Variants in DNAH9 observed in about 807,000 individuals in gnomAD.
DNAH9 encodes DNAH9 variant protein.
DNAH9 carries 345 observed loss-of-function variants against 471.6 expected under a neutral mutation model. The ratio of observed to expected loss-of-function variants is 0.73; its 90% CI spans 0.67 to 0.80. The LOEUF is 0.80. Among genes scored for constraint, DNAH9 ranks in the 30% least tolerant of loss-of-function variants. The pLI, the probability that DNAH9 is intolerant of heterozygous loss-of-function variation, is 0.00. For synonymous variants in DNAH9, 2,093 were observed against 2,123.6 expected (o/e 0.99, Z 0.40); for missense variants, 5,407 against 5,609.2 (o/e 0.96, Z 1.15).
At chr17:11,710,656 C>T (rs1422651515) in intron 26 of DNAH9, among the ~76,000 whole-genome samples, 2 of 152,018 alleles carry the variant, frequency 1.3e-5, no homozygotes, top group Non-Finnish European at 2.9e-5. Flanking sequence ...TGTTATTGCC[C>T]GTTTTTCTCT....
At position 11,902,952 on chromosome 17, in the gene DNAH9, G is replaced by T. The variant is rs758841391; in HGVS notation, c.11600+40G>T. On this transcript the variant is annotated intron_variant, in intron 60 of 68. Transcript: ENST00000262442. ...GGTGGAAGGCCCAGCATAGGCATGGGGCAAGGGCAACCTCAGGACAACTGG... is the reference window on the plus strand; with the variant it reads ...GGTGGAAGGCCCAGCATAGGCATGGTGCAAGGGCAACCTCAGGACAACTGG... 1.9e-6 allele frequency: 3 copies of T among 1,585,750 alleles called. No homozygotes were observed. The Admixed American group carries it at 5.4e-5, about 28-fold the overall frequency.
intron 3 of DNAH9, among the ~76,000 whole-genome samples, chr17:11,611,073 C>A (rs1454486516): frequency 4.6e-5 from 7 of 152,084 alleles, no homozygotes; most frequent in Admixed American, 4.6e-4. Flanking sequence ...CCTGCTCCTG[C>A]TTATTTGCCC....
intron 33 of DNAH9, among the ~76,000 whole-genome samples, chr17:11,753,787 C>T (rs1006908677): frequency 6.6e-6 from 1 of 152,192 alleles, no homozygotes; most frequent in African/African-American, 2.4e-5. Flanking sequence ...TAAAAGTATG[C>T]TCTCCTGGAG....
At chr17:11,765,810 C>T (rs191435533) in intron 36 of DNAH9, among the ~76,000 whole-genome samples, 69 of 152,210 alleles carry the variant, frequency 4.5e-4, no homozygotes, top group Non-Finnish European at 6.6e-4. Context: ...ACAGAGATCC[C>T]GAATGCATAG....
intron 61 of DNAH9, among the ~76,000 whole-genome samples, chr17:11,911,009 A>G (rs1057075887): frequency 4.6e-5 from 7 of 152,160 alleles, no homozygotes; most frequent in Non-Finnish European, 1.0e-4. Flanking sequence ...TTGCTTTTTT[A>G]ATGGTATTCT....
chr17:11,887,890 G>C (rs1256423351), intron 57 of DNAH9, among the ~76,000 whole-genome samples: 1 of 152,162 alleles, frequency 6.6e-6, no homozygotes, highest in Non-Finnish European at 1.5e-5. Flanking sequence ...GGGCTCATTT[G>C]ATTGAAGATG....
chr17:11,780,725 T>A (rs1052956105), intron 38 of DNAH9, among the ~76,000 whole-genome samples: 1 of 152,170 alleles, frequency 6.6e-6, no homozygotes, highest in Non-Finnish European at 1.5e-5. Flanking sequence ...CTCACAGTTA[T>A]GTTATAAGGA....
chr17:11,838,812 C>T (rs978739099), intron 49 of DNAH9, among the ~76,000 whole-genome samples: 3 of 152,144 alleles, frequency 2.0e-5, no homozygotes, highest in Non-Finnish European at 4.4e-5. Flanking sequence ...GTAGTAAGGA[C>T]GAATATTGCT....
chr17:11,819,436 G>A (rs958421223), intron 45 of DNAH9, among the ~76,000 whole-genome samples: 1 of 147,284 alleles, frequency 6.8e-6, no homozygotes, highest in Non-Finnish European at 1.5e-5. Context: ...TTTTTTTTTT[G>A]AGACGAAGTC....
intron 15 of DNAH9, among the ~76,000 whole-genome samples, chr17:11,667,348 C>G (rs536629753): frequency 6.6e-6 from 1 of 152,080 alleles, no homozygotes; most frequent in South Asian, 2.1e-4. Flanking sequence ...AGTATAATTA[C>G]TTTGTTATTG....
At chr17:11,661,596 C>T (rs1337951211) in intron 14 of DNAH9, among the ~76,000 whole-genome samples, 1 of 152,044 alleles carries the variant, frequency 6.6e-6, no homozygotes, top group Non-Finnish European at 1.5e-5. Context: ...TACCTTGTTG[C>T]ATTACAATTC....
chr17:11,616,360 C>T (rs777246887), intron 4 of DNAH9, among the ~76,000 whole-genome samples: 18 of 152,220 alleles, frequency 1.2e-4, no homozygotes, highest in East Asian at 9.6e-4. Flanking sequence ...GAGCTTCATC[C>T]GCATACTGTA....
At chr17:11,762,908 T>A (rs1243339208) in intron 35 of DNAH9, among the ~76,000 whole-genome samples, 2 of 150,876 alleles carry the variant, frequency 1.3e-5, no homozygotes, top group African/African-American at 4.9e-5. Flanking sequence ...GCCTCCCAAG[T>A]AGCTGGGAGT....
rs142244000 is a variant in DNAH9, at chr17:11,626,734, A to G, written c.1351-2683A>G. On this transcript the variant is annotated intron_variant, in intron 6 of 68. Coordinates refer to ENST00000262442, the MANE Select transcript of DNAH9 (RefSeq NM_001372.4). This position sits in a 1 kb window ranked among gnomAD's most constrained non-coding sequence, Gnocchi z 4.3. ...CCCCCTTGCACTTGACCAGGGTCCT[A>G]TGGACATTGAAATGTCCTTCCTTAT... 4.1e-3 allele frequency among the ~76,000 whole-genome samples: 622 copies of G among 152,276 alleles called. 6 individuals are homozygous for G. Among genetic ancestry groups the G allele is most frequent in the African/African-American group, 0.014 (582 of 41,550 alleles).
chr17:11,756,017 CA>C (rs1200344541), intron 33 of DNAH9, among the ~76,000 whole-genome samples: 3 of 152,128 alleles, frequency 2.0e-5, no homozygotes, highest in African/African-American at 7.2e-5. Context: ...CGTGGTGGTT[CA>C]AGCCTGTGAG....
chr17:11,762,288 G>T (rs1335316235), intron 35 of DNAH9, among the ~76,000 whole-genome samples: 1 of 152,172 alleles, frequency 6.6e-6, no homozygotes, highest in Non-Finnish European at 1.5e-5. Context: ...TTATGAAAAC[G>T]GACTCTGCCT....
intron 27 of DNAH9, among the ~76,000 whole-genome samples, chr17:11,727,486 G>A (rs1442238254): frequency 3.3e-5 from 5 of 152,114 alleles, no homozygotes; most frequent in Admixed American, 6.5e-5. Context: ...CTGGGTGGAA[G>A]GCTTTTTGTC....
chr17:11,609,924 A>T (rs1017674345), intron 2 of DNAH9, among the ~76,000 whole-genome samples: 1 of 152,190 alleles, frequency 6.6e-6, no homozygotes, highest in African/African-American at 2.4e-5. Flanking sequence ...AATCACAGGG[A>T]GTTAGAAATG....
intron 61 of DNAH9, among the ~76,000 whole-genome samples, chr17:11,916,417 C>T (rs553670337): frequency 3.0e-4 from 46 of 152,360 alleles, no homozygotes; most frequent in African/African-American, 1.0e-3. Context: ...CTCTCTCTTC[C>T]TTCCTCCCTG....
Sources: allele counts gnomAD v4.1 joint callset (sites outside exome capture counted in the v4.1 genomes callset), GRCh38; gene constraint gnomAD v4.1.1; non-coding constraint Gnocchi (gnomAD v3.1); transcripts MANE v1.5; gene names NCBI Gene and HGNC (gene_info 2026-07-23, HGNC 2026-07-21).